Variants in PTPRD observed in about 807,000 individuals in gnomAD.
PTPRD encodes the protein protein tyrosine phosphatase receptor type D.
Under a neutral mutation model 214.5 loss-of-function variants are expected in PTPRD, and 34 were observed. That is an observed-to-expected ratio of 0.16 (90% CI 0.12 to 0.21). The LOEUF is 0.21. Among genes scored for constraint, PTPRD ranks in the 10% least tolerant of loss-of-function variants. The probability of loss-of-function intolerance (pLI) is 1.00; values close to 1 mark genes in which losing one functional copy is unlikely to be tolerated. For synonymous variants in PTPRD, 1,128 were observed against 845.7 expected, an observed-to-expected ratio of 1.33 and a Z score of -5.79; for missense variants, 2,545 against 2,398.7, an observed-to-expected ratio of 1.06 and a Z score of -1.27.
intron 8 of PTPRD, among the ~76,000 whole-genome samples, chr9:9,455,640 T>G (rs2092884183): frequency 1.3e-5 from 2 of 151,678 alleles, no homozygotes; most frequent in South Asian, 4.1e-4. Context: ...TCCAAGTAAC[T>G]GAATCAGAAA....
intron 9 of PTPRD, among the ~76,000 whole-genome samples, chr9:9,214,472 A>G (rs1306341851): frequency 1.4e-5 from 2 of 147,798 alleles, no homozygotes; most frequent in Non-Finnish European, 3.0e-5. Context: ...TAAAGCAGTT[A>G]AGGGAGGAGG....
At chr9:9,373,738 C>T (rs2060108807) in intron 9 of PTPRD, among the ~76,000 whole-genome samples, 3 of 152,060 alleles carry the variant, frequency 2.0e-5, no homozygotes, top group Admixed American at 6.6e-5. Flanking sequence ...ATCTGGAAAT[C>T]TTTAATTGCT....
At chr9:8,572,855 A>T (rs892609792) in intron 14 of PTPRD, among the ~76,000 whole-genome samples, 1 of 151,996 alleles carries the variant, frequency 6.6e-6, no homozygotes, top group Non-Finnish European at 1.5e-5. Context: ...GGTTTGCATG[A>T]TTCTATTTTC....
intron 8 of PTPRD, among the ~76,000 whole-genome samples, chr9:9,398,177 T>G (rs2068650940): frequency 6.6e-6 from 1 of 151,858 alleles, no homozygotes; most frequent in African/African-American, 2.4e-5. Context: ...CCTCAATATT[T>G]TTTTCTAGCC....
intron 3 of PTPRD, among the ~76,000 whole-genome samples, chr9:10,045,328 A>T (rs1009532062): frequency 6.6e-5 from 10 of 151,798 alleles, no homozygotes; most frequent in Non-Finnish European, 8.9e-5. Context: ...ATATTAGAAC[A>T]GTGACATAGA....
chr9:9,906,875 T>C lies in PTPRD; in HGVS notation c.-368+31632A>G, dbSNP rs577516923. On this transcript the variant is annotated intron_variant, in intron 5 of 45. Transcript: ENST00000381196. ...CTTCTGAATAAAAAATCTTGATAGA[T>C]TAATATGAGATCTGGCTCATAGAAC... is the stretch of plus-strand genomic sequence containing the variant. 9.5e-4 allele frequency among the ~76,000 whole-genome samples: 144 copies of C among 151,960 alleles called. 3 individuals are homozygous for C. Among genetic ancestry groups the C allele is most frequent in the Non-Finnish European group, 2.9e-4 (20 of 67,924 alleles).
intron 11 of PTPRD, among the ~76,000 whole-genome samples, chr9:8,955,172 G>T (rs78291084): frequency 0.015 from 2,281 of 151,968 alleles, 59 homozygotes; most frequent in African/African-American, 0.051. Flanking sequence ...CTAATATTAG[G>T]AAAATGTAGG....
intron 2 of PTPRD, among the ~76,000 whole-genome samples, chr9:10,559,143 A>G (rs1198397593): frequency 6.6e-6 from 1 of 152,130 alleles, no homozygotes; most frequent in Admixed American, 6.6e-5. Context: ...AAATGCTTCC[A>G]CTGAAGAGAA....
At position 9,814,308 on chromosome 9, in the gene PTPRD, G is replaced by GAAA. The variant is rs34297202; in HGVS notation, c.-367-47460_-367-47458dup. On this transcript the variant is annotated intron_variant, in intron 5 of 45. Transcript: ENST00000381196. ...CTAACCTGAGCAATTAGGTAAGAAA[G>GAAA]AAAAAAAAAAAAGCATCCAAATCAG... Among the ~76,000 whole-genome samples the GAAA allele has an allele frequency of 1.8e-3, 254 of 142,640 alleles. 2 individuals carry two copies. Among genetic ancestry groups the GAAA allele is most frequent in the African/African-American group, 5.0e-3 (199 of 39,910 alleles). 93.6% of individuals were successfully genotyped at this position (142,640 alleles called of 152,430 possible).
intron 2 of PTPRD, among the ~76,000 whole-genome samples, chr9:10,390,359 T>A (rs2098033448): frequency 6.6e-6 from 1 of 151,810 alleles, no homozygotes; most frequent in Non-Finnish European, 1.5e-5. Context: ...GAGGCTCAGC[T>A]TGGCTGCCTC....
chr9:8,899,784 T>C (rs546734569), intron 11 of PTPRD, among the ~76,000 whole-genome samples: 1 of 152,336 alleles, frequency 6.6e-6, no homozygotes, highest in African/African-American at 2.4e-5. Flanking sequence ...TTAGGTATCC[T>C]TGTGGGTGAG....
chr9:9,956,659 GTGAATGAGACAAGGGAATGGCCCATACA>G (rs1482348229), intron 4 of PTPRD, among the ~76,000 whole-genome samples: 1 of 152,074 alleles, frequency 6.6e-6, no homozygotes, highest in South Asian at 2.1e-4. Context: ...TAGGACATAT[GTGAATGAGACAAGGGAATGGCCCATACA>G]TGAATGAGAC....
intron 4 of PTPRD, among the ~76,000 whole-genome samples, chr9:10,031,375 C>A (rs149721231): frequency 6.6e-6 from 1 of 151,682 alleles, no homozygotes; most frequent in Non-Finnish European, 1.5e-5. Flanking sequence ...GCAGACCCAC[C>A]CTTAATCTGG....
At chr9:10,029,342 A>C (rs1392256446) in intron 4 of PTPRD, among the ~76,000 whole-genome samples, 1 of 152,166 alleles carries the variant, frequency 6.6e-6, no homozygotes, top group African/African-American at 2.4e-5. Flanking sequence ...GAGAGCCACC[A>C]TCCTCCAGAC....
At chr9:9,879,278 CTT>C (rs2067870701) in intron 5 of PTPRD, among the ~76,000 whole-genome samples, 1 of 152,084 alleles carries the variant, frequency 6.6e-6, no homozygotes, top group African/African-American at 2.4e-5. Context: ...GAGGGGCTAT[CTT>C]GTGTGTAGGT....
At chr9:10,583,946 C>T (rs1228003775) in intron 2 of PTPRD, among the ~76,000 whole-genome samples, 2 of 152,072 alleles carry the variant, frequency 1.3e-5, no homozygotes, top group Admixed American at 1.3e-4. Flanking sequence ...CCTTTCTTCC[C>T]ACTGAAAACA....
At chr9:9,266,654 A>G (rs569053559) in intron 9 of PTPRD, among the ~76,000 whole-genome samples, 2 of 151,458 alleles carry the variant, frequency 1.3e-5, no homozygotes, top group South Asian at 4.1e-4. Context: ...AGTAAAAATT[A>G]AGTATAAATA....
chr9:9,317,682 A>G (rs980880499), intron 9 of PTPRD, among the ~76,000 whole-genome samples: 2 of 152,068 alleles, frequency 1.3e-5, no homozygotes, highest in Non-Finnish European at 2.9e-5. Flanking sequence ...TTGTTATTCC[A>G]TGTTCCTAAA....
At chr9:9,068,997 G>A (rs759915530) in intron 10 of PTPRD, among the ~76,000 whole-genome samples, 2 of 152,102 alleles carry the variant, frequency 1.3e-5, no homozygotes, top group South Asian at 2.1e-4. Flanking sequence ...CTTCAATTCT[G>A]TAGTAAGATT....
Sources: allele counts gnomAD v4.1 joint callset (sites outside exome capture counted in the v4.1 genomes callset), GRCh38; gene constraint gnomAD v4.1.1; transcripts MANE v1.5; gene names NCBI Gene and HGNC (gene_info 2026-07-23, HGNC 2026-07-21).